The following UNC13B variants were observed in gnomAD, a reference collection of about 807,000 sequenced individuals.
UNC13B encodes unc-13 homolog B.
Under a neutral mutation model 211.0 loss-of-function variants are expected in UNC13B, and 144 were observed. The ratio of observed to expected loss-of-function variants is 0.68; its 90% confidence interval spans 0.60 to 0.78. The LOEUF (loss-of-function observed/expected upper bound fraction) is 0.78. UNC13B is among the 30% of genes least tolerant of loss of function. UNC13B has a pLI of 0.00. For synonymous variants in UNC13B, 709 were observed against 725.8 expected, an observed-to-expected ratio of 0.98 and a Z score of 0.37; for missense variants, 1,777 against 2,002.0, an observed-to-expected ratio of 0.89 and a Z score of 2.14.
intron 1 of UNC13B, among the ~76,000 whole-genome samples, chr9:35,218,391 A>G (rs963306397): frequency 6.6e-6 from 1 of 152,038 alleles, no homozygotes; most frequent in African/African-American, 2.4e-5. Flanking sequence ...ATGAAAAAGG[A>G]TGTGTGGGTG....
intron 6 of UNC13B, among the ~76,000 whole-genome samples, chr9:35,258,548 C>A (rs529396986): frequency 2.6e-5 from 4 of 152,158 alleles, no homozygotes; most frequent in African/African-American, 4.8e-5. Flanking sequence ...TCCCATGTGA[C>A]CTTATGAGCA....
intron 5 of UNC13B, among the ~76,000 whole-genome samples, chr9:35,238,122 A>G (rs930907042): frequency 7.9e-5 from 12 of 152,328 alleles, no homozygotes; most frequent in Admixed American, 7.8e-4. Flanking sequence ...TTATTTTGAA[A>G]ATAAACATTT....
chr9:35,290,534 T>C (rs1429607150), intron 7 of UNC13B, among the ~76,000 whole-genome samples: 2 of 151,678 alleles, frequency 1.3e-5, no homozygotes, highest in Admixed American at 1.3e-4. Context: ...CTTTGACCTT[T>C]TAACTTTCAG....
Position 35,375,252 on chromosome 9 carries a change from C to A in UNC13B, c.9615+51C>A, listed in dbSNP as rs375084919. ...GTCCACTGGCCTCAGGACTGGTGAT[C>A]ATCTCTGTAGCCATGCTATTAATAA... On this transcript the variant is annotated intron_variant, in intron 14 of 39. Coordinates refer to ENST00000635942, the MANE Select transcript of UNC13B (RefSeq NM_001371189.2). 2.4e-5 allele frequency: 37 copies of A among 1,568,010 alleles called. No individual in the cohort carries two copies. The African/African-American group carries it at 4.6e-4, about 19-fold the overall frequency.
rs1021063753 is a variant in UNC13B at position 35,397,809 on chromosome 9, C to T, written c.11754+97C>T. Reference sequence around the variant, plus strand: ...CTCAGAATTGAGGGTTGGGGTGACACTCCTGATGCCTGATTCCCACCATGG... The same window carrying T: ...CTCAGAATTGAGGGTTGGGGTGACATTCCTGATGCCTGATTCCCACCATGG... On this transcript the variant is annotated intron_variant, in intron 30 of 39. Coordinates refer to ENST00000635942, the MANE Select transcript of UNC13B (RefSeq NM_001371189.2). 20 of 1,247,224 alleles carry T rather than the reference C, an allele frequency of 1.6e-5. No homozygotes were observed. The African/African-American group carries it at 2.1e-4, about 13-fold the overall frequency. 77.3% of individuals were successfully genotyped at this position (1,247,224 alleles called of 1,614,324 possible).
At chr9:35,184,231 C>T (rs946511656) in intron 1 of UNC13B, among the ~76,000 whole-genome samples, 10 of 151,556 alleles carry the variant, frequency 6.6e-5, no homozygotes, top group Middle Eastern at 3.4e-3. Context: ...CCAGACGGGG[C>T]GGCTGGGCAG....
intron 7 of UNC13B, among the ~76,000 whole-genome samples, chr9:35,262,035 G>A (rs985410293): frequency 6.6e-6 from 1 of 152,000 alleles, no homozygotes; most frequent in South Asian, 2.1e-4. Context: ...GTTGATGGAA[G>A]CTTAGGCTGC....
chr9:35,182,187 C>T lies in UNC13B; in HGVS notation c.22+19882C>T, dbSNP rs75098966. ...GCTCTTTATATCTTCCTACTTCTCA[C>T]CTTTAAAAATTATAAAACCATCAGT... On this transcript the variant is annotated intron_variant, in intron 1 of 39. Coordinates refer to ENST00000635942, the MANE Select transcript of UNC13B (RefSeq NM_001371189.2). 5.7e-3 allele frequency among the ~76,000 whole-genome samples: 873 copies of T among 152,272 alleles called. 6 individuals are homozygous for T. The highest frequency in any genetic ancestry group is 9.7e-3 in the Admixed American group (149 of 15,292).
At chr9:35,241,405 A>G (rs1564087149) in intron 5 of UNC13B, among the ~76,000 whole-genome samples, 1 of 152,094 alleles carries the variant, frequency 6.6e-6, no homozygotes, top group Non-Finnish European at 1.5e-5. Context: ...TTTCTTCTTA[A>G]AACTATTTTT....
chr9:35,295,758 A>AACAGCTTCCCACCTCCTTACCAT lies in UNC13B; in HGVS notation c.601_623dup (p.Gln208HisfsTer63), dbSNP rs780330193. ...TAGTGACTATCGCAGTGAGACCAGC[A>AACAGCTTCCCACCTCCTTACCAT]ACAGCTTCCCACCTCCTTACCATAC... is the stretch of plus-strand genomic sequence containing the variant. On this transcript the variant is annotated frameshift_variant, in exon 8 of 40. Coordinates refer to ENST00000635942, the MANE Select transcript of UNC13B (RefSeq NM_001371189.2). LOFTEE classifies it high-confidence loss of function. 6.2e-7 allele frequency: 1 copy of AACAGCTTCCCACCTCCTTACCAT among 1,614,030 alleles called. No homozygotes were observed. Among genetic ancestry groups the AACAGCTTCCCACCTCCTTACCAT allele is most frequent in the Non-Finnish European group, 8.5e-7 (1 of 1,179,988 alleles).
intron 7 of UNC13B, among the ~76,000 whole-genome samples, chr9:35,266,104 G>C (rs1432936665): frequency 6.6e-6 from 1 of 152,126 alleles, no homozygotes; most frequent in African/African-American, 2.4e-5. Context: ...AAGCCCAGTT[G>C]AGTCCTTGTT....
intron 6 of UNC13B, among the ~76,000 whole-genome samples, chr9:35,256,935 C>G (rs1347084562): frequency 2.0e-5 from 3 of 152,052 alleles, no homozygotes; most frequent in African/African-American, 4.8e-5. Flanking sequence ...TAATTATACT[C>G]TAGTTGGACT....
intron 11 of UNC13B, among the ~76,000 whole-genome samples, chr9:35,324,449 T>G (rs995647430): frequency 2.6e-4 from 39 of 152,222 alleles, no homozygotes; most frequent in African/African-American, 8.7e-4. Context: ...TATTTGACCA[T>G]GAAACACTCT....
intron 1 of UNC13B, 155 bp from the exon 2 acceptor site, chr9:35,227,860 C>T (rs1824943605): frequency 1.8e-6 from 1 of 552,974 alleles, no homozygotes; most frequent in Non-Finnish European, 3.1e-6. Flanking sequence ...CTTTGCCTTT[C>T]AAGTTTTGAT....
Position 35,300,184 on chromosome 9 carries a change from T to C in UNC13B, c.780T>C (p.Asp260=), listed in dbSNP as rs1829602778. The C allele has an allele frequency of 7.5e-6, 3 of 398,658 alleles. No individual in the cohort carries two copies. The highest frequency in any genetic ancestry group is 8.8e-5 in the Admixed American group (2 of 22,690). 24.7% of individuals were successfully genotyped at this position (398,658 alleles called of 1,614,324 possible). The change falls in exon 9 of 40, where the codon GAT becomes GAC. Residue 260 remains aspartate, a synonymous_variant. Transcript: ENST00000635942. ...TCTCCAGGTATGCTCAGAAATATGATACACTAGATAGAAGAAGAAAAAAGA... is the reference window on the plus strand; with the variant it reads ...TCTCCAGGTATGCTCAGAAATATGACACACTAGATAGAAGAAGAAAAAAGA... The part of the protein sequence containing the change: ...RRAIRYAQKY[D]TLDRRRKKKS...
chr9:35,182,779 T>A (rs375522438), intron 1 of UNC13B, among the ~76,000 whole-genome samples: 1 of 152,190 alleles, frequency 6.6e-6, no homozygotes, highest in Non-Finnish European at 1.5e-5. Flanking sequence ...CAGAGAGCAC[T>A]GGGTTGGGGG....
At chr9:35,241,828 C>T (rs534226493) in intron 5 of UNC13B, among the ~76,000 whole-genome samples, 9 of 152,194 alleles carry the variant, frequency 5.9e-5, no homozygotes, top group South Asian at 4.1e-4. Flanking sequence ...ATACAAATTA[C>T]GTTGTAGACT....
rs1829837676 is a variant in UNC13B, at chr9:35,304,537, T to G, written c.5133T>G (p.Val1711=). 1 of 398,640 alleles carries G rather than the reference T, an allele frequency of 2.5e-6. No individual in the cohort carries two copies. The highest frequency in any genetic ancestry group is 4.4e-6 in the Non-Finnish European group (1 of 225,902). 24.7% of individuals were successfully genotyped at this position (398,640 alleles called of 1,614,324 possible). ...KNQPLAEDSS[V]HLSSFHWLQS... Reference sequence around the variant, plus strand: ...AGCCTCTAGCTGAAGATTCATCAGTTCACCTTTCCAGTTTCCATTGGCTTC... The same window carrying G: ...AGCCTCTAGCTGAAGATTCATCAGTGCACCTTTCCAGTTTCCATTGGCTTC... Residue 1711 remains valine, a synonymous_variant, in exon 9 of 40, where the codon GTT becomes GTG. Transcript: ENST00000635942.
At chr9:35,183,914 C>G (rs1822165289) in intron 1 of UNC13B, among the ~76,000 whole-genome samples, 3 of 145,606 alleles carry the variant, frequency 2.1e-5, no homozygotes, top group Non-Finnish European at 4.5e-5. Context: ...CTCCTCGCCT[C>G]CAAGACGGGG....
Sources: allele counts gnomAD v4.1 joint callset (sites outside exome capture counted in the v4.1 genomes callset), GRCh38; gene constraint gnomAD v4.1.1; transcripts MANE v1.5; gene names NCBI Gene and HGNC (gene_info 2026-07-23, HGNC 2026-07-21).